The following KNTC1 variants were observed in gnomAD, a reference collection of about 807,000 sequenced individuals.
KNTC1 encodes kinetochore associated 1.
KNTC1 carries 253 observed loss-of-function variants against 314.4 expected under a neutral mutation model. The observed-to-expected ratio is 0.80, with a 90% CI of 0.73 to 0.89. The LOEUF is 0.89. KNTC1 is among the 40% of genes least tolerant of loss of function. The probability of loss-of-function intolerance (pLI) is 0.00; values close to 1 mark genes in which losing one functional copy is unlikely to be tolerated. For synonymous variants in KNTC1, 901 were observed against 901.4 expected (o/e 1.00, Z 0.01); for missense variants, 2,475 against 2,572.9 (o/e 0.96, Z 0.82).
intron 29 of KNTC1, 74 bp downstream of exon 29, chr12:122,575,973 A>G: frequency 1.3e-6 from 2 of 1,483,670 alleles, no homozygotes; most frequent in East Asian, 4.8e-5. Context: ...TGAGGAATTT[A>G]TATTCTAGGA....
intron 25 of KNTC1, 41 bp downstream of exon 25, chr12:122,573,097 T>TA: frequency 6.2e-7 from 1 of 1,613,588 alleles, no homozygotes; most frequent in Middle Eastern, 1.7e-4. Flanking sequence ...TATATCAAGT[T>TA]ATGGGTAGAG....
intron 52 of KNTC1, among the ~76,000 whole-genome samples, chr12:122,610,277 G>C (rs1872977890): frequency 6.6e-6 from 1 of 152,202 alleles, no homozygotes. Context: ...AGGTCTTGGA[G>C]GGAAGCGATT....
In KNTC1 at chr12:122,588,800, C is replaced by T. The variant is rs1869737750; in HGVS notation, c.3983C>T (p.Thr1328Ile). The change falls in exon 40 of 64, where the codon ACA becomes ATA. Residue 1328 changes from threonine to isoleucine, a missense_variant. Transcript: ENST00000333479. ...GTTATATTTATCAGGGAAAATGCTA[C>T]AACACTACTGCACAAAGTAAGTATT... is the stretch of plus-strand genomic sequence containing the variant. Reference protein sequence around the residue: ...KAVIFIRENATTLLHKVFNCR... With the variant: ...KAVIFIRENAITLLHKVFNCR... 1.3e-6 allele frequency: 2 copies of T among 1,549,178 alleles called. No individual in the cohort carries two copies. The highest frequency in any genetic ancestry group is 1.7e-6 in the Non-Finnish European group (2 of 1,147,956).
intron 16 of KNTC1, among the ~76,000 whole-genome samples, chr12:122,554,811 A>C (rs1346697214): frequency 6.6e-6 from 1 of 152,198 alleles, no homozygotes; most frequent in Non-Finnish European, 1.5e-5. Context: ...ACAGAACCTG[A>C]AATTTGAGTA....
rs1481485624 is a variant in KNTC1, at chr12:122,618,564, C to G, written c.6149+19C>G. 1.9e-6 allele frequency: 3 copies of G among 1,569,598 alleles called. No individual in the cohort carries two copies. Among genetic ancestry groups the G allele is most frequent in the South Asian group, 2.3e-5 (2 of 87,842 alleles). Reference sequence around the variant, plus strand: ...TCCTCGAGTAAGCAAAATATTTGTTCTACCAAAAAAAAAAAAAGTTTGTTG... The same window carrying G: ...TCCTCGAGTAAGCAAAATATTTGTTGTACCAAAAAAAAAAAAAGTTTGTTG... On this transcript the variant is annotated intron_variant, in intron 59 of 63. Coordinates refer to ENST00000333479, the MANE Select transcript of KNTC1 (RefSeq NM_014708.6).
Position 122,542,044 on chromosome 12 carries a change from C to T in KNTC1, c.446-6C>T. 6.6e-7 allele frequency: 1 copy of T among 1,517,328 alleles called. No individual in the cohort carries two copies. Among genetic ancestry groups the T allele is most frequent in the Non-Finnish European group, 8.9e-7 (1 of 1,128,188 alleles). The allele number at this position is 1,517,328 out of a possible 1,614,324, so 94.0% of individuals were successfully genotyped here. On this transcript the variant is annotated splice_polypyrimidine_tract_variant and splice_region_variant and intron_variant, in intron 5 of 63. Coordinates refer to ENST00000333479, the MANE Select transcript of KNTC1 (RefSeq NM_014708.6). ...AAAGAAACTGATTCTGATTTTATTT[C>T]AATAGGTACCTATTATATGCTACTT...
chr12:122,554,076 A>AAAAAATATATATAT (rs370146333), intron 16 of KNTC1, among the ~76,000 whole-genome samples: 29 of 109,036 alleles, frequency 2.7e-4, no homozygotes, highest in African/African-American at 1.1e-3. Flanking sequence ...AAAAAAAAAA[A>AAAAAATATATATAT]ATATATATAT....
At position 122,617,759 on chromosome 12, in the gene KNTC1, AT is replaced by A. The variant is rs200006572; in HGVS notation, c.6031-583del. ...ATCTCAAACAGGGAGATATCAGCTT[AT>A]GATTTTAGTCATCTGGAATATAAAC... On this transcript the variant is annotated intron_variant, in intron 57 of 63. Coordinates refer to ENST00000333479, the MANE Select transcript of KNTC1 (RefSeq NM_014708.6). Among the ~76,000 whole-genome samples, 279 of 152,342 alleles carry A rather than the reference AT, an allele frequency of 1.8e-3. 4 individuals carry two copies. Among genetic ancestry groups the A allele is most frequent in the Non-Finnish European group, 3.1e-4 (21 of 68,030 alleles).
chr12:122,594,170 C>A (rs75333702), intron 42 of KNTC1, 106 bp from the exon 43 acceptor site: 10,522 of 671,806 alleles, frequency 0.016, 114 homozygotes, highest in South Asian at 0.017. Context: ...ACAAATGTTT[C>A]TTTTTGAAAA....
intron 18 of KNTC1, among the ~76,000 whole-genome samples, chr12:122,559,713 C>T (rs1398991241): frequency 6.6e-6 from 1 of 152,100 alleles, no homozygotes; most frequent in Non-Finnish European, 1.5e-5. Flanking sequence ...GCTGAGATTA[C>T]AGGCTCCCGC....
At chr12:122,604,535 T>G in intron 48 of KNTC1, 29 bp from the exon 49 acceptor site, 1 of 1,046,858 alleles carries the variant, frequency 9.6e-7, no homozygotes, top group Non-Finnish European at 1.4e-6. Context: ...CTGTAAATCT[T>G]TATTTATTTA....
Position 122,529,087 on chromosome 12 carries a change from A to G in KNTC1, c.-73-904A>G, listed in dbSNP as rs550076133. Among the ~76,000 whole-genome samples the G allele has an allele frequency of 7.2e-5, 11 of 152,188 alleles. No homozygotes were observed. The South Asian group carries it at 2.3e-3, about 32-fold the overall frequency. Reference sequence around the variant, plus strand: ...TCAAACTCCTGACCTCAGATAATCCACCTGCCTAAGCCTCCCAAAGTTCTG... The same window carrying G: ...TCAAACTCCTGACCTCAGATAATCCGCCTGCCTAAGCCTCCCAAAGTTCTG... On this transcript the variant is annotated intron_variant, in intron 1 of 63. Coordinates refer to ENST00000333479, the MANE Select transcript of KNTC1 (RefSeq NM_014708.6).
At chr12:122,624,332 A>G (rs1342723808) in intron 62 of KNTC1, among the ~76,000 whole-genome samples, 2 of 152,090 alleles carry the variant, frequency 1.3e-5, no homozygotes, top group Non-Finnish European at 2.9e-5. Flanking sequence ...GCAGTGGTAC[A>G]AACGTGGCTC....
chr12:122,549,549 G>A (rs566687489), intron 12 of KNTC1, among the ~76,000 whole-genome samples: 163 of 151,614 alleles, frequency 1.1e-3, no homozygotes, highest in African/African-American at 3.6e-3. Flanking sequence ...TTGTATTTTA[G>A]TAGACAGGGT....
chr12:122,548,461 C>T (rs778631953), intron 12 of KNTC1, among the ~76,000 whole-genome samples: 8 of 152,162 alleles, frequency 5.3e-5, no homozygotes, highest in South Asian at 2.1e-4. Context: ...GCCTGCCTCT[C>T]GGCCTCCCGT....
intron 43 of KNTC1, among the ~76,000 whole-genome samples, chr12:122,595,280 G>C (rs1251846420): frequency 1.3e-5 from 2 of 152,212 alleles, no homozygotes; most frequent in Admixed American, 1.3e-4. Flanking sequence ...TTTCTGTCTA[G>C]TAAATACAAG....
chr12:122,615,194 C>A, intron 56 of KNTC1, 108 bp downstream of exon 56: 1 of 869,598 alleles, frequency 1.1e-6, no homozygotes, highest in Non-Finnish European at 1.8e-6. Context: ...ATGCTGAAAA[C>A]ACAGTCACTC....
chr12:122,577,914 G>GA (rs1965139661), intron 31 of KNTC1, 123 bp downstream of exon 31: 2 of 843,246 alleles, frequency 2.4e-6, no homozygotes, highest in Admixed American at 4.0e-5. Flanking sequence ...GTGGCCTAGT[G>GA]AAAAAATTCC....
At chr12:122,544,067 A>AT in intron 7 of KNTC1, 92 bp from the exon 8 acceptor site, 2 of 518,556 alleles carry the variant, frequency 3.9e-6, no homozygotes, top group Non-Finnish European at 6.4e-6. Flanking sequence ...AAAAAAAAAA[A>AT]TTTATAACTG....
Sources: allele counts gnomAD v4.1 joint callset (sites outside exome capture counted in the v4.1 genomes callset), GRCh38; gene constraint gnomAD v4.1.1; transcripts MANE v1.5; gene names NCBI Gene and HGNC (gene_info 2026-07-23, HGNC 2026-07-21).